The following RHOU variants were observed in gnomAD, a reference collection of about 807,000 sequenced individuals.
The protein encoded by RHOU is rho-related GTP-binding protein RhoU.
RHOU carries 8 observed loss-of-function variants against 12.6 expected under a neutral mutation model. The ratio of observed to expected loss-of-function variants is 0.64; its 90% CI spans 0.37 to 1.15. The LOEUF (loss-of-function observed/expected upper bound fraction) is 1.15. Ranked by LOEUF, RHOU falls within the 50% of genes most tolerant of loss-of-function variation. The probability of loss-of-function intolerance (pLI) is 0.01; values close to 1 mark genes in which losing one functional copy is unlikely to be tolerated. For missense variants in RHOU, 258 were observed against 347.0 expected (o/e 0.74, Z 2.04); for synonymous variants, 161 against 147.4 (o/e 1.09, Z -0.67).
At chr1:228,708,872 TAA>T in the RHOU span, among the ~76,000 whole-genome samples, 2 of 152,080 alleles carry the variant, frequency 1.3e-5, no homozygotes, top group Non-Finnish European at 2.9e-5. Context: ...TCAAATTGGA[TAA>T]AGAGTCAAGA....
the RHOU span, among the ~76,000 whole-genome samples, chr1:228,658,242 A>G: frequency 6.8e-6 from 1 of 147,744 alleles, no homozygotes; most frequent in African/African-American, 2.5e-5. Flanking sequence ...ATCAGGCTAC[A>G]GGCTACTGCA....
the RHOU span, among the ~76,000 whole-genome samples, chr1:228,705,149 T>G: frequency 6.6e-6 from 1 of 152,040 alleles, no homozygotes; most frequent in Non-Finnish European, 1.5e-5. Context: ...TGAAATCTTT[T>G]TAGAAGTTTC....
At chr1:228,646,970 A>C in the RHOU span, among the ~76,000 whole-genome samples, 54 of 152,204 alleles carry the variant, frequency 3.5e-4, no homozygotes, top group East Asian at 8.4e-3. Context: ...GAAAGGGAGA[A>C]GTACAGAGGT....
chr1:228,681,385 G>GAGC, the RHOU span, among the ~76,000 whole-genome samples: 4 of 152,102 alleles, frequency 2.6e-5, no homozygotes, highest in African/African-American at 9.7e-5. Context: ...AGCTGAGGAG[G>GAGC]AGCAGTCTGG....
chr1:228,686,851 C>T, the RHOU span, among the ~76,000 whole-genome samples: 1 of 152,082 alleles, frequency 6.6e-6, no homozygotes, highest in African/African-American at 2.4e-5. Context: ...AGTGATTCTC[C>T]TGCCTCAGCC....
chr1:228,658,447 C>T, the RHOU span, among the ~76,000 whole-genome samples: 6 of 152,270 alleles, frequency 3.9e-5, no homozygotes, highest in South Asian at 2.1e-4. Flanking sequence ...AATGTTCCTC[C>T]GCTCTGAAAG....
chr1:228,648,184 C>G, the RHOU span, among the ~76,000 whole-genome samples: 3 of 152,230 alleles, frequency 2.0e-5, no homozygotes, highest in Non-Finnish European at 2.9e-5. Flanking sequence ...GTGTCTACGC[C>G]CAAGCACCGT....
At chr1:228,713,354 A>G in the RHOU span, among the ~76,000 whole-genome samples, 1 of 152,216 alleles carries the variant, frequency 6.6e-6, no homozygotes, top group Non-Finnish European at 1.5e-5. Flanking sequence ...GACTGGGTTC[A>G]GATATCTTGT....
At chr1:228,650,725 C>A in the RHOU span, 2 of 464,712 alleles carry the variant, frequency 4.3e-6, no homozygotes, top group Admixed American at 2.8e-5. Flanking sequence ...TGCTAAACAT[C>A]AACTACAGGC....
At chr1:228,674,346 CTTTTTT>C in the RHOU span, among the ~76,000 whole-genome samples, 1 of 135,970 alleles carries the variant, frequency 7.4e-6, no homozygotes, top group Non-Finnish European at 1.6e-5. Flanking sequence ...TGTTTAGTAC[CTTTTTT>C]TTTTTTTTTT....
At chr1:228,725,990 A>T in the RHOU span, among the ~76,000 whole-genome samples, 4 of 152,340 alleles carry the variant, frequency 2.6e-5, no homozygotes, top group East Asian at 7.7e-4. Context: ...TCTTCTTACT[A>T]TCTTAATAAA....
the RHOU span, chr1:228,651,115 G>T: frequency 4.5e-6 from 1 of 221,842 alleles, no homozygotes. Flanking sequence ...AGTGGAAGAG[G>T]AGCATGATCT....
At chr1:228,704,676 G>A in the RHOU span, among the ~76,000 whole-genome samples, 15 of 151,350 alleles carry the variant, frequency 9.9e-5, no homozygotes, top group Non-Finnish European at 2.1e-4. Context: ...GGCCAGGCTC[G>A]TGTTGAACTC....
chr1:228,671,305 T>G, the RHOU span, among the ~76,000 whole-genome samples: 1 of 152,146 alleles, frequency 6.6e-6, no homozygotes, highest in African/African-American at 2.4e-5. Flanking sequence ...ATGCCTAGCC[T>G]CAAGTAATTC....
chr1:228,706,874 C>A, the RHOU span, among the ~76,000 whole-genome samples: 1 of 151,614 alleles, frequency 6.6e-6, no homozygotes, highest in East Asian at 1.9e-4. Context: ...GGTACATGAT[C>A]AAATCATCTG....
At chr1:228,716,650 A>C in the RHOU span, among the ~76,000 whole-genome samples, 1 of 152,142 alleles carries the variant, frequency 6.6e-6, no homozygotes, top group African/African-American at 2.4e-5. Context: ...CATAGTTGAC[A>C]TTCAGTAAGT....
the RHOU span, among the ~76,000 whole-genome samples, chr1:228,676,407 T>G: frequency 2.8e-4 from 42 of 152,290 alleles, no homozygotes; most frequent in African/African-American, 8.4e-4. Flanking sequence ...ATCCTAGCAC[T>G]TTGGATTTTG....
At chr1:228,668,930 A>T in the RHOU span, among the ~76,000 whole-genome samples, 1 of 152,238 alleles carries the variant, frequency 6.6e-6, no homozygotes, top group Non-Finnish European at 1.5e-5. Flanking sequence ...CCAGGAACCC[A>T]GGCCAGCTGC....
the RHOU span, among the ~76,000 whole-genome samples, chr1:228,696,861 G>C: frequency 1.3e-5 from 2 of 152,248 alleles, no homozygotes; most frequent in East Asian, 3.9e-4. Context: ...GTATATCTTT[G>C]ATCATTCCCA....
Sources: allele counts gnomAD v4.1 joint callset (sites outside exome capture counted in the v4.1 genomes callset), GRCh38; gene constraint gnomAD v4.1.1; transcripts MANE v1.5; gene names NCBI Gene and HGNC (gene_info 2026-07-23, HGNC 2026-07-21).